The following SOX6 variants were observed in gnomAD, a reference collection of about 807,000 sequenced individuals.
The protein encoded by SOX6 is transcription factor SOX-6.
Under a neutral mutation model 97.8 loss-of-function variants are expected in SOX6, and 11 were observed. That is an observed-to-expected ratio of 0.11 (90% CI 0.07 to 0.19). SOX6 has a LOEUF of 0.19. Among genes scored for constraint, SOX6 ranks in the 10% least tolerant of loss-of-function variants. SOX6 has a pLI of 1.00. For synonymous variants in SOX6, 360 were observed against 371.4 expected, an observed-to-expected ratio of 0.97 and a Z score of 0.35; for missense variants, 810 against 1,039.5, an observed-to-expected ratio of 0.78 and a Z score of 3.04.
intron 6 of SOX6, among the ~76,000 whole-genome samples, chr11:16,170,149 A>T (rs912179390): frequency 6.6e-6 from 1 of 152,022 alleles, no homozygotes; most frequent in African/African-American, 2.4e-5. Flanking sequence ...ACAGAGACAC[A>T]TGCCTGTCAA....
intron 3 of SOX6, among the ~76,000 whole-genome samples, chr11:16,243,889 A>G (rs1042787342): frequency 6.6e-6 from 1 of 151,972 alleles, no homozygotes; most frequent in Non-Finnish European, 1.5e-5. Flanking sequence ...TGAACACACC[A>G]CATAATGTGT....
chr11:16,160,310 C>T (rs915572648), intron 6 of SOX6, among the ~76,000 whole-genome samples: 1 of 152,152 alleles, frequency 6.6e-6, no homozygotes, highest in African/African-American at 2.4e-5. Flanking sequence ...CCATGTCCTT[C>T]ACTCAAATGG....
chr11:16,567,385 A>G (rs1847883499), intron 4 of SOX6: 1 of 152,162 alleles, frequency 6.6e-6, no homozygotes, highest in African/African-American at 2.4e-5. Flanking sequence ...TCACCTAAAA[A>G]AATAAAATAC....
rs78842078 is a variant in SOX6, at chr11:16,510,799, G to C, written n.610-34411C>G. On this transcript the variant is annotated intron_variant and non_coding_transcript_variant, in intron 4 of 5. Transcript: ENST00000524520. Reference sequence around the variant, plus strand: ...TGGTACCATCATTGCTTTAGATTTGGAGTCCATTACAGAGACATTTCTAGC... The same window carrying C: ...TGGTACCATCATTGCTTTAGATTTGCAGTCCATTACAGAGACATTTCTAGC... Among the ~76,000 whole-genome samples the C allele has an allele frequency of 1.1e-4, 16 of 152,036 alleles. No individual in the cohort carries two copies. In the East Asian group the frequency reaches 2.5e-3, roughly 24 times the overall value.
chr11:16,516,806 G>GA (rs1400095572), intron 4 of SOX6, among the ~76,000 whole-genome samples: 2 of 150,932 alleles, frequency 1.3e-5, no homozygotes, highest in African/African-American at 4.9e-5. Context: ...GAAAAAGAGG[G>GA]AATCCTCCCT....
intron 1 of SOX6, among the ~76,000 whole-genome samples, chr11:16,375,131 GA>G (rs1248136534): frequency 6.6e-6 from 1 of 151,878 alleles, no homozygotes; most frequent in East Asian, 1.9e-4. Context: ...CAACTCATGT[GA>G]AAAAAAGAAG....
At chr11:16,333,813 T>C (rs1213488248) in intron 2 of SOX6, among the ~76,000 whole-genome samples, 1 of 152,174 alleles carries the variant, frequency 6.6e-6, no homozygotes, top group Non-Finnish European at 1.5e-5. Flanking sequence ...AGCTACACTT[T>C]GGTCATATAG....
chr11:16,136,575 A>G (rs1307350330), intron 6 of SOX6, among the ~76,000 whole-genome samples: 1 of 151,940 alleles, frequency 6.6e-6, no homozygotes, highest in Non-Finnish European at 1.5e-5. Flanking sequence ...ATTTTTTTGT[A>G]GAGATATGGT....
chr11:16,602,467 A>G (rs537517536), intron 4 of SOX6, among the ~76,000 whole-genome samples: 2 of 152,024 alleles, frequency 1.3e-5, no homozygotes, highest in East Asian at 3.9e-4. Context: ...TTTAAGAGGG[A>G]CAATTTCTCT....
intron 6 of SOX6, among the ~76,000 whole-genome samples, chr11:16,143,529 A>G (rs1850206488): frequency 1.3e-5 from 2 of 152,344 alleles, no homozygotes; most frequent in East Asian, 3.9e-4. Context: ...AATGGGCTAA[A>G]AGCTCCAATT....
At chr11:16,060,701 T>C (rs1448342295) in intron 9 of SOX6, among the ~76,000 whole-genome samples, 2 of 151,892 alleles carry the variant, frequency 1.3e-5, no homozygotes, top group Non-Finnish European at 2.9e-5. Context: ...ATCAGTTGAA[T>C]TTGTTCCATG....
intron 1 of SOX6, among the ~76,000 whole-genome samples, chr11:16,343,817 AAT>A (rs1856705790): frequency 6.6e-6 from 1 of 151,958 alleles, no homozygotes; most frequent in Non-Finnish European, 1.5e-5. Flanking sequence ...GCCATTCAGG[AAT>A]GCTACCTATT....
chr11:16,433,119 A>C (rs1411270449), intron 1 of SOX6, among the ~76,000 whole-genome samples: 1 of 151,958 alleles, frequency 6.6e-6, no homozygotes, highest in Non-Finnish European at 1.5e-5. Flanking sequence ...CTAACCAAAA[A>C]CTTTAGGTTC....
At chr11:15,999,615 C>A (rs1854338714) in intron 13 of SOX6, among the ~76,000 whole-genome samples, 1 of 152,116 alleles carries the variant, frequency 6.6e-6, no homozygotes, top group South Asian at 2.1e-4. Context: ...TTGAAAGGTT[C>A]TTTTTTCTGT....
chr11:16,673,908 G>T (rs796090617), intron 3 of SOX6, among the ~76,000 whole-genome samples: 1 of 151,994 alleles, frequency 6.6e-6, no homozygotes, highest in Admixed American at 6.6e-5. Flanking sequence ...ATCATTCATC[G>T]GCTGGGCGTG....
chr11:16,286,388 T>G (rs932536014), intron 3 of SOX6, among the ~76,000 whole-genome samples: 1 of 152,154 alleles, frequency 6.6e-6, no homozygotes, highest in Non-Finnish European at 1.5e-5. Flanking sequence ...AGAAGAGGAA[T>G]GCTCCTGGAC....
intron 13 of SOX6, among the ~76,000 whole-genome samples, chr11:15,993,636 T>C (rs577704994): frequency 3.3e-5 from 5 of 152,184 alleles, no homozygotes; most frequent in Non-Finnish European, 7.3e-5. Flanking sequence ...GGCTGCTCTG[T>C]ACAACTTCCC....
chr11:16,483,924 C>T (rs1332512017), intron 4 of SOX6, among the ~76,000 whole-genome samples: 4 of 152,192 alleles, frequency 2.6e-5, no homozygotes, highest in Non-Finnish European at 5.9e-5. Flanking sequence ...AGTTCCTCTG[C>T]ATGGGGAGCC....
At chr11:16,682,980 C>T (rs1052013750) in intron 3 of SOX6, among the ~76,000 whole-genome samples, 22 of 152,212 alleles carry the variant, frequency 1.4e-4, no homozygotes, top group African/African-American at 4.6e-4. Context: ...AACTCCCATT[C>T]GCAATTATTA....
Sources: gnomAD v4.1 joint callset for allele counts (sites outside exome capture counted in the v4.1 genomes callset) on GRCh38, gnomAD v4.1.1 for gene constraint, MANE v1.5 for transcripts, NCBI Gene and HGNC (gene_info 2026-07-23, HGNC 2026-07-21) for gene names.